SYNRG: variants seen among roughly 807,000 people sequenced by gnomAD.
SYNRG encodes synergin gamma, also known as AP1 gamma subunit binding protein 1.
A neutral mutation model predicts 130.9 loss-of-function variants in SYNRG; 37 were observed. The ratio of observed to expected loss-of-function variants is 0.28; its 90% CI spans 0.22 to 0.37. SYNRG has a LOEUF of 0.37. SYNRG is among the 10% of genes least tolerant of loss of function. SYNRG has a pLI of 1.00. For synonymous variants in SYNRG, 539 were observed against 568.1 expected (o/e 0.95, Z 0.73); for missense variants, 1,338 against 1,588.9 (o/e 0.84, Z 2.68).
chr17:37,557,449 A>G (rs1431793101), intron 13 of SYNRG, among the ~76,000 whole-genome samples: 2 of 152,232 alleles, frequency 1.3e-5, no homozygotes, highest in African/African-American at 4.8e-5. Context: ...ATATCACACC[A>G]TTTAGGAAAA....
intron 6 of SYNRG, 95 bp from the exon 7 acceptor site, chr17:37,577,708 T>C (rs1362013028): frequency 1.9e-6 from 2 of 1,054,488 alleles, no homozygotes; most frequent in East Asian, 2.5e-5. Flanking sequence ...TTTTTTTTTT[T>C]TTTTTTTTGA....
intron 13 of SYNRG, chr17:37,557,052 A>G (rs546815486): frequency 6.6e-6 from 1 of 152,312 alleles, no homozygotes; most frequent in South Asian, 2.1e-4. Flanking sequence ...TGGCAAATAA[A>G]TTAGTCACAG....
intron 21 of SYNRG, among the ~76,000 whole-genome samples, chr17:37,519,882 GTGT>G: frequency 6.6e-6 from 1 of 152,302 alleles, no homozygotes; most frequent in South Asian, 2.1e-4. Flanking sequence ...CTCCATCTGT[GTGT>G]CACTACAACT....
chr17:37,563,228 G>A (rs578118981), intron 11 of SYNRG, among the ~76,000 whole-genome samples: 2 of 152,176 alleles, frequency 1.3e-5, no homozygotes, highest in East Asian at 1.9e-4. Context: ...ACATGAAGAC[G>A]GTATTTCTAC....
intron 1 of SYNRG, among the ~76,000 whole-genome samples, chr17:37,602,337 CAAAAAAA>C (rs762080161): frequency 4.2e-5 from 4 of 94,274 alleles, no homozygotes. Context: ...AACTCCGTTT[CAAAAAAA>C]AAAAAAAATT....
At chr17:37,541,172 T>C (rs539796258) in intron 15 of SYNRG, 90 of 985,164 alleles carry the variant, frequency 9.1e-5, no homozygotes, top group Non-Finnish European at 9.8e-5. Flanking sequence ...TATGTAAGAG[T>C]TGTGTGGCTT....
At chr17:37,591,295 T>A (rs773884051) in intron 3 of SYNRG, among the ~76,000 whole-genome samples, 1 of 152,248 alleles carries the variant, frequency 6.6e-6, no homozygotes, top group South Asian at 2.1e-4. Flanking sequence ...CTGAAAACTA[T>A]GTAAATGATA....
chr17:37,551,952 T>C (rs2058742275), intron 14 of SYNRG, among the ~76,000 whole-genome samples: 1 of 150,104 alleles, frequency 6.7e-6, no homozygotes, highest in African/African-American at 2.5e-5. Context: ...ATTTGAAAAA[T>C]ACCTTAGCAA....
rs779910726 is a variant in SYNRG at position 37,608,133 on chromosome 17, A to C, written c.77+1146T>G. On this transcript the variant is annotated intron_variant, in intron 1 of 21. Transcript: ENST00000612223. ...AAAAGAGAAAGCAAAAAGTTTAAAAATCTAAAGTTAAAGATGTGCAGAGGA... is the reference window on the plus strand; with the variant it reads ...AAAAGAGAAAGCAAAAAGTTTAAAACTCTAAAGTTAAAGATGTGCAGAGGA... 2.0e-5 allele frequency among the ~76,000 whole-genome samples: 3 copies of C among 152,160 alleles called. No homozygotes were observed. In the East Asian group the frequency reaches 5.8e-4, roughly 29 times the overall value.
intron 19 of SYNRG, among the ~76,000 whole-genome samples, chr17:37,534,726 T>C (rs1401158672): frequency 1.3e-5 from 2 of 152,124 alleles, no homozygotes; most frequent in Non-Finnish European, 2.9e-5. Flanking sequence ...TTACTTAAAC[T>C]CTTAAAGACT....
intron 16 of SYNRG, 123 bp downstream of exon 16, chr17:37,540,257 G>A (rs1386480729): frequency 5.9e-6 from 7 of 1,179,058 alleles, no homozygotes; most frequent in Non-Finnish European, 7.3e-6. Flanking sequence ...CATAGTTTAT[G>A]TCTGGTGCTT....
At position 37,535,184 on chromosome 17, in the gene SYNRG, A is replaced by T. The variant is rs142965512; in HGVS notation, c.3666+795T>A. 1.6e-3 allele frequency among the ~76,000 whole-genome samples: 237 copies of T among 152,296 alleles called. 1 individual carries two copies. Among genetic ancestry groups the T allele is most frequent in the African/African-American group, 5.5e-3 (227 of 41,580 alleles). On this transcript the variant is annotated intron_variant, in intron 19 of 21. Transcript: ENST00000612223. ...AAGGAATAAATGGTCAAATGGTCAG[A>T]AGAGTCCAATCCGTTTATACACAAA...
intron 19 of SYNRG, chr17:37,529,813 G>A (rs1336035792): frequency 6.4e-7 from 1 of 1,551,458 alleles, no homozygotes; most frequent in African/African-American, 1.4e-5. Context: ...GGTAAGGAGA[G>A]AGATGCTTTG....
At chr17:37,585,248 G>A (rs529083431) in intron 5 of SYNRG, 77 bp downstream of exon 5, 60 of 1,209,738 alleles carry the variant, frequency 5.0e-5, no homozygotes, top group Middle Eastern at 1.9e-4. Context: ...CCCCAGTGAC[G>A]AAATCCACTC....
At chr17:37,595,350 G>C (rs2062665850) in intron 3 of SYNRG, among the ~76,000 whole-genome samples, 2 of 152,130 alleles carry the variant, frequency 1.3e-5, no homozygotes, top group African/African-American at 4.8e-5. Context: ...AAAACACACA[G>C]AAATAGAAAA....
chr17:37,523,483 G>A (rs7207076), intron 19 of SYNRG, among the ~76,000 whole-genome samples: 2 of 152,008 alleles, frequency 1.3e-5, no homozygotes, highest in Non-Finnish European at 2.9e-5. Flanking sequence ...TAGTAATAAC[G>A]GTGTTTAACA....
At chr17:37,580,504 T>TGAGAGAGAGA (rs1338468452) in intron 6 of SYNRG, among the ~76,000 whole-genome samples, 2 of 116,432 alleles carry the variant, frequency 1.7e-5, no homozygotes, top group Middle Eastern at 8.5e-3. Flanking sequence ...TGTGTGTGTG[T>TGAGAGAGAGA]GTGTGTGAGA....
chr17:37,565,641 G>A (rs573315038), intron 11 of SYNRG, among the ~76,000 whole-genome samples: 2 of 151,626 alleles, frequency 1.3e-5, no homozygotes, highest in Admixed American at 1.3e-4. Context: ...GAAGTGAGGA[G>A]CGTCTCTGCC....
intron 3 of SYNRG, among the ~76,000 whole-genome samples, chr17:37,591,629 G>A (rs1055596967): frequency 6.6e-6 from 1 of 152,162 alleles, no homozygotes; most frequent in Non-Finnish European, 1.5e-5. Flanking sequence ...ACAGAACAGA[G>A]AACCTAGAGA....
Sources: gnomAD v4.1 joint callset for allele counts (sites outside exome capture counted in the v4.1 genomes callset) on GRCh38, gnomAD v4.1.1 for gene constraint, MANE v1.5 for transcripts, NCBI Gene and HGNC (gene_info 2026-07-23, HGNC 2026-07-21) for gene names.